Variants in FMN1 observed in about 807,000 individuals in gnomAD.
FMN1 encodes formin-1.
A neutral mutation model predicts 132.4 loss-of-function variants in FMN1; 110 were observed. That is an observed-to-expected ratio of 0.83 (90% CI 0.71 to 0.97). The LOEUF (loss-of-function observed/expected upper bound fraction) is 0.97, where lower values mean the gene tolerates loss of function less well. Among genes scored for constraint, FMN1 ranks in the 50% least tolerant of loss-of-function variants. The probability of loss-of-function intolerance (pLI) is 0.00; values close to 1 mark genes in which losing one functional copy is unlikely to be tolerated. For missense variants in FMN1, 1,792 were observed against 1,705.3 expected (o/e 1.05, Z -0.90); for synonymous variants, 722 against 651.7 (o/e 1.11, Z -1.64).
intron 6 of FMN1, among the ~76,000 whole-genome samples, chr15:33,058,199 T>A (rs1441306137): frequency 6.6e-6 from 1 of 151,920 alleles, no homozygotes; most frequent in Non-Finnish European, 1.5e-5. Context: ...TGGCTGGCAA[T>A]AGATGGAGAT....
chr15:33,080,822 G>A (rs530683359), intron 5 of FMN1, among the ~76,000 whole-genome samples: 16 of 152,210 alleles, frequency 1.1e-4, no homozygotes, highest in African/African-American at 2.7e-4. Context: ...AAGAGGCGGA[G>A]GTTGCGGTGA....
At chr15:33,094,720 T>C (rs539989053) in intron 4 of FMN1, among the ~76,000 whole-genome samples, 25 of 152,324 alleles carry the variant, frequency 1.6e-4, no homozygotes, top group African/African-American at 5.5e-4. Context: ...AAATATCTCT[T>C]TGATTATTTT....
At chr15:33,130,215 C>T (rs1033698766) in intron 4 of FMN1, among the ~76,000 whole-genome samples, 2 of 152,142 alleles carry the variant, frequency 1.3e-5, no homozygotes, top group African/African-American at 2.4e-5. Flanking sequence ...CTAGCATTTT[C>T]TTTCTATTTT....
At chr15:32,947,896 T>A (rs1215226843) in intron 9 of FMN1, among the ~76,000 whole-genome samples, 1 of 152,076 alleles carries the variant, frequency 6.6e-6, no homozygotes, top group Non-Finnish European at 1.5e-5. Context: ...TGCTGAAAAA[T>A]CACAATTCAT....
At chr15:33,002,001 A>G (rs1440506052) in intron 7 of FMN1, among the ~76,000 whole-genome samples, 2 of 152,158 alleles carry the variant, frequency 1.3e-5, no homozygotes, top group Non-Finnish European at 2.9e-5. Flanking sequence ...GGTGGGGGAA[A>G]CTGAACAATT....
rs570818638 is a variant in FMN1 at position 32,841,531 on chromosome 15, C to A, written c.3928+15484G>T. On this transcript the variant is annotated intron_variant, in intron 17 of 20. Transcript: ENST00000616417. ...AACTATTTCTACACATTCCATCACT[C>A]CATCTCAGAAGAAGCGGAGTAGAAA... is the stretch of plus-strand genomic sequence containing the variant. 8.9e-4 allele frequency among the ~76,000 whole-genome samples: 135 copies of A among 152,258 alleles called. No homozygotes were observed. The South Asian group carries it at 0.027, about 30-fold the overall frequency.
At chr15:33,125,376 G>A (rs1376437933) in intron 4 of FMN1, among the ~76,000 whole-genome samples, 1 of 152,168 alleles carries the variant, frequency 6.6e-6, no homozygotes, top group East Asian at 1.9e-4. Context: ...AGTCTTGAAG[G>A]TTAGTTCTAG....
chr15:32,957,198 A>G (rs1260737551), intron 9 of FMN1, among the ~76,000 whole-genome samples: 5 of 151,980 alleles, frequency 3.3e-5, no homozygotes, highest in African/African-American at 1.2e-4. Flanking sequence ...TAGTCAGATC[A>G]TGGCATCTCA....
intron 6 of FMN1, among the ~76,000 whole-genome samples, chr15:33,033,795 T>C (rs923401921): frequency 2.0e-5 from 3 of 152,158 alleles, no homozygotes; most frequent in Non-Finnish European, 2.9e-5. Flanking sequence ...TACTCTTTCA[T>C]TGAGAAGATC....
chr15:32,847,480 C>T (rs2058885329), intron 17 of FMN1, among the ~76,000 whole-genome samples: 1 of 152,048 alleles, frequency 6.6e-6, no homozygotes. Context: ...TGCCTGTAAT[C>T]CCAGCACTTT....
At chr15:33,118,335 TGATTG>T (rs2040007387) in intron 4 of FMN1, among the ~76,000 whole-genome samples, 3 of 152,190 alleles carry the variant, frequency 2.0e-5, no homozygotes, top group Admixed American at 6.6e-5. Context: ...GAACAGTTGA[TGATTG>T]TCCAAACACA....
chr15:33,000,907 G>GTTTT (rs1371585589), intron 7 of FMN1, among the ~76,000 whole-genome samples: 1 of 152,152 alleles, frequency 6.6e-6, no homozygotes, highest in Non-Finnish European at 1.5e-5. Flanking sequence ...TTCTGTCTTG[G>GTTTT]GAAAAGCTAG....
intron 17 of FMN1, among the ~76,000 whole-genome samples, chr15:32,813,955 G>A (rs951739599): frequency 3.3e-5 from 5 of 152,150 alleles, no homozygotes; most frequent in African/African-American, 9.7e-5. Context: ...GTGGTATTTT[G>A]AAGCTGCACT....
intron 6 of FMN1, among the ~76,000 whole-genome samples, chr15:33,041,236 GCCT>G (rs1430112639): frequency 1.3e-5 from 2 of 151,690 alleles, no homozygotes; most frequent in Non-Finnish European, 2.9e-5. Context: ...ATACTTTGAA[GCCT>G]AGGTCTATGA....
intron 5 of FMN1, among the ~76,000 whole-genome samples, chr15:33,069,993 C>CTCTCTTTTTTTTTTTTT (rs398026774): frequency 4.0e-5 from 3 of 74,294 alleles, no homozygotes; most frequent in Non-Finnish European, 7.4e-5. Context: ...CAGTCTTTCT[C>CTCTCTTTTTTTTTTTTT]TTTTTTTTTT....
chr15:33,177,097 A>G lies in FMN1; in HGVS notation c.-132+3101T>C, dbSNP rs185501944. Among the ~76,000 whole-genome samples, 3 of 152,314 alleles carry G rather than the reference A, an allele frequency of 2.0e-5. No homozygotes were observed. In the East Asian group the frequency reaches 5.8e-4, roughly 29 times the overall value. ...CAGAAAAGCCTGTGAAGTAGGTACT[A>G]TTATTATCTCCATTTACAAGGAAGA... On this transcript the variant is annotated intron_variant, in intron 3 of 20. Coordinates refer to ENST00000616417, the MANE Select transcript of FMN1 (RefSeq NM_001277313.2).
chr15:32,903,496 G>A lies in FMN1; in HGVS notation c.3378-1456C>T, dbSNP rs375236441. Among the ~76,000 whole-genome samples the A allele has an allele frequency of 6.7e-4, 102 of 152,260 alleles. 3 individuals are homozygous for A. The South Asian group carries it at 0.02, about 30-fold the overall frequency. On this transcript the variant is annotated intron_variant, in intron 12 of 20. Transcript: ENST00000616417. ...CTGGGGAAGACGTATTTATTCAGAT[G>A]CTGAGCTATTCTGAAAGAAGGGCCC...
At chr15:33,084,095 T>C (rs2038596213) in intron 5 of FMN1, among the ~76,000 whole-genome samples, 1 of 152,200 alleles carries the variant, frequency 6.6e-6, no homozygotes, top group Non-Finnish European at 1.5e-5. Flanking sequence ...TTATTTAGCA[T>C]ACAATTAAGA....
intron 18 of FMN1, 148 bp from the exon 19 acceptor site, chr15:32,799,101 T>C (rs892876817): frequency 1.1e-5 from 7 of 654,700 alleles, no homozygotes; most frequent in African/African-American, 1.8e-5. Flanking sequence ...TGAAGTTTAT[T>C]GTAAACCTCA....
Sources: gnomAD v4.1 joint callset for allele counts (sites outside exome capture counted in the v4.1 genomes callset) on GRCh38, gnomAD v4.1.1 for gene constraint, MANE v1.5 for transcripts, NCBI Gene and HGNC (gene_info 2026-07-23, HGNC 2026-07-21) for gene names.